Variants in QRICH2 observed in about 807,000 individuals in gnomAD.
The protein encoded by QRICH2 is glutamine rich 2.
A neutral mutation model predicts 168.3 loss-of-function variants in QRICH2; 119 were observed. The ratio of observed to expected loss-of-function variants is 0.71; its 90% CI spans 0.61 to 0.82. The LOEUF (loss-of-function observed/expected upper bound fraction) is 0.82. Among genes scored for constraint, QRICH2 ranks in the 40% least tolerant of loss-of-function variants. The pLI is 0.00. For missense variants in QRICH2, 2,241 were observed against 2,491.6 expected, an observed-to-expected ratio of 0.90 and a Z score of 2.14; for synonymous variants, 894 against 951.2, an observed-to-expected ratio of 0.94 and a Z score of 1.11.
chr17:76,277,238 G>C lies in QRICH2; in HGVS notation c.5190C>G (p.Tyr1730Ter), dbSNP rs746391928. The change falls in exon 16 of 19, where the codon TAC becomes TAG. Residue 1730 changes from tyrosine (Y) to a stop codon, truncating the protein, a stop_gained. Coordinates refer to ENST00000680821, the MANE Select transcript of QRICH2 (RefSeq NM_001388453.1). LOFTEE classifies it high-confidence loss of function. ...RRCGGSHTLTYPYHRSRPQHL... is the reference protein window; with the variant it reads ...RRCGGSHTLT ...GCTGCGGGCGGCTGCGGTGGTAGGG[G>C]TAGGTGAGGGTGTGGCTGCCCCCGC... 4 of 1,603,722 alleles carry C rather than the reference G, an allele frequency of 2.5e-6. No homozygotes were observed. The Admixed American group carries it at 7.1e-5, about 29-fold the overall frequency.
At chr17:76,279,497 T>C in intron 12 of QRICH2, 69 bp from the exon 13 acceptor site, 1 of 1,256,102 alleles carries the variant, frequency 8.0e-7, no homozygotes, top group South Asian at 1.3e-5. Context: ...CTTGGGGCTC[T>C]GCAGGCCCCT....
rs1316619060 is a variant in QRICH2, at chr17:76,275,811, G to A, written c.5482+8C>T. ...CCTGGCAGGACGCCCCACCCAGAGG[G>A]AAGCTACCTGAGGTGTTGCCAGCCG... is the stretch of plus-strand genomic sequence containing the variant. On this transcript the variant is annotated splice_region_variant and intron_variant, in intron 18 of 18. Coordinates refer to ENST00000680821, the MANE Select transcript of QRICH2 (RefSeq NM_001388453.1). The A allele has an allele frequency of 1.2e-6, 2 of 1,604,092 alleles. No individual in the cohort carries two copies. The highest frequency in any genetic ancestry group is 2.7e-5 in the African/African-American group (2 of 74,942).
chr17:76,289,124 A>G (rs1226011928), intron 5 of QRICH2, among the ~76,000 whole-genome samples: 1 of 151,978 alleles, frequency 6.6e-6, no homozygotes, highest in Non-Finnish European at 1.5e-5. Flanking sequence ...AAAAAGAAAA[A>G]AAGAAAAGAG....
intron 14 of QRICH2, among the ~76,000 whole-genome samples, chr17:76,278,639 T>C (rs1251331127): frequency 3.3e-5 from 5 of 152,228 alleles, no homozygotes; most frequent in Admixed American, 2.6e-4. Flanking sequence ...GCCTCCTTCG[T>C]TGGCTGAGCC....
At chr17:76,304,391 C>T (rs758306395) in intron 3 of QRICH2, 24 bp downstream of exon 3, 70 of 1,540,688 alleles carry the variant, frequency 4.5e-5, no homozygotes, top group Middle Eastern at 1.7e-4. Context: ...CCCAAGACCA[C>T]GGCCCAGGCC....
Position 76,304,477 on chromosome 17 carries a change from T to C in QRICH2, c.643A>G (p.Thr215Ala), listed in dbSNP as rs1382405493. The C allele has an allele frequency of 1.2e-6, 2 of 1,613,762 alleles. No individual in the cohort carries two copies. The highest frequency in any genetic ancestry group is 2.2e-5 in the East Asian group (1 of 44,890). ...TCCAGCTCTTCCCAGGTGACCATGG[T>C]GACTTCTTCTGCACCAGGAACCAAA... is the stretch of plus-strand genomic sequence containing the variant. Reference protein sequence around the residue: ...LSLVPGAEEVTMVTWEELEQA... With the variant: ...LSLVPGAEEVAMVTWEELEQA... Residue 215 changes from threonine (T) to alanine (A), a missense_variant, in exon 3 of 19, where the codon ACC becomes GCC. Physicochemically the swap from Thr to Ala is moderately conservative, Grantham distance 58. Around this residue, in one of 3 missense-constraint regions of QRICH2, gnomAD observed 2,047 missense variants for 2,303.8 expected, o/e 0.89. Coordinates refer to ENST00000680821, the MANE Select transcript of QRICH2 (RefSeq NM_001388453.1).
At chr17:76,278,540 C>A (rs1320513309) in intron 14 of QRICH2, among the ~76,000 whole-genome samples, 1 of 152,246 alleles carries the variant, frequency 6.6e-6, no homozygotes, top group Admixed American at 6.5e-5. Flanking sequence ...AGCCTGAAGT[C>A]CTCTGAACTA....
Position 76,307,427 on chromosome 17 carries a change from G to C in QRICH2, c.534+38C>G, listed in dbSNP as rs1322494786. ...TAGGCCTGGAGGGCGGCCTGGAGGA[G>C]GCAGACGGCCTGCGCGTGCCTCCGT... On this transcript the variant is annotated intron_variant, in intron 1 of 18. Coordinates refer to ENST00000680821, the MANE Select transcript of QRICH2 (RefSeq NM_001388453.1). This position sits in a 1 kb window ranked among gnomAD's most constrained non-coding sequence, Gnocchi z 5.3. The C allele has an allele frequency of 6.2e-7, 1 of 1,609,594 alleles. No individual in the cohort carries two copies. The highest frequency in any genetic ancestry group is 1.7e-5 in the Admixed American group (1 of 59,942).
chr17:76,301,282 T>A (rs571534767), intron 3 of QRICH2, among the ~76,000 whole-genome samples: 5 of 151,174 alleles, frequency 3.3e-5, no homozygotes, highest in Admixed American at 2.0e-4. Flanking sequence ...ACAAAATATA[T>A]GATAGGCCAG....
At position 76,304,928 on chromosome 17, in the gene QRICH2, C is replaced by T. The variant is rs760350836; in HGVS notation, c.548G>A (p.Arg183Gln). The T allele has an allele frequency of 5.0e-6, 8 of 1,613,370 alleles. No individual in the cohort carries two copies. The highest frequency in any genetic ancestry group is 2.2e-5 in the East Asian group (1 of 44,868). The change falls in exon 2 of 19, where the codon CGG becomes CAG. Residue 183 changes from arginine to glutamine, a missense_variant. Arg to Gln is a conservative substitution (Grantham distance 43, BLOSUM62 1). Around this residue, in one of 3 missense-constraint regions of QRICH2, gnomAD observed 2,047 missense variants for 2,303.8 expected, o/e 0.89. Coordinates refer to ENST00000680821, the MANE Select transcript of QRICH2 (RefSeq NM_001388453.1). ...GAATAGCTTCTCTAGTTCATCAACC[C>T]GCTGTAAAAGTACCTGGAAGAAGAG... ...ELSFARVLLQ[R>Q]VDELEKLFKD...
At chr17:76,288,918 C>T (rs1257243648) in intron 5 of QRICH2, among the ~76,000 whole-genome samples, 5 of 151,802 alleles carry the variant, frequency 3.3e-5, no homozygotes, top group Admixed American at 6.6e-5. Context: ...TCCTGGCTAA[C>T]ACGGTGAAAC....
At position 76,278,977 on chromosome 17, in the gene QRICH2, T is replaced by C. The variant is rs2070738031; in HGVS notation, c.4916+64A>G. The C allele has an allele frequency of 2.9e-6, 4 of 1,373,746 alleles. No individual in the cohort carries two copies. The Admixed American group carries it at 7.5e-5, about 26-fold the overall frequency. The allele number at this position is 1,373,746 out of a possible 1,614,324, so 85.1% of individuals were successfully genotyped here. On this transcript the variant is annotated intron_variant, in intron 14 of 18. Coordinates refer to ENST00000680821, the MANE Select transcript of QRICH2 (RefSeq NM_001388453.1). The stretch of plus-strand genomic sequence containing the variant: ...GCCCTCCGGAGTCATCCCTGTCCCC[T>C]GCCTTCCCCATCCAGAGCCCTGGCC...
intron 4 of QRICH2, among the ~76,000 whole-genome samples, chr17:76,290,365 T>C (rs2070965593): frequency 6.6e-6 from 1 of 151,970 alleles, no homozygotes. Flanking sequence ...GGGCTTGGAG[T>C]TGGGAACAGG....
chr17:76,276,787 C>A lies in QRICH2; in HGVS notation c.5266-20G>T. 2 of 1,587,100 alleles carry A rather than the reference C, an allele frequency of 1.3e-6. No individual in the cohort carries two copies. Among genetic ancestry groups the A allele is most frequent in the Non-Finnish European group, 1.7e-6 (2 of 1,160,704 alleles). On this transcript the variant is annotated intron_variant, in intron 16 of 18. Transcript: ENST00000680821. ...ATCATGCTGTAGAAGTGAACAGATA[C>A]CGTCGCCACTGTAGCAGCCACAGCC...
rs544200517 is a variant in QRICH2 at position 76,289,060 on chromosome 17, C to T, written c.3798+932G>A. ...TGGAGCTTGCAGTGAGCCGAGATTG[C>T]GCCACTGTACTCCAGCCTTGGCGAC... is the stretch of plus-strand genomic sequence containing the variant. On this transcript the variant is annotated intron_variant, in intron 5 of 18. Transcript: ENST00000680821. Among the ~76,000 whole-genome samples, 5 of 149,546 alleles carry T rather than the reference C, an allele frequency of 3.3e-5. 1 individual carries two copies. The highest frequency in any genetic ancestry group is 1.2e-4 in the African/African-American group (5 of 40,414).
At chr17:76,297,561 T>C (rs2070817139) in intron 3 of QRICH2, among the ~76,000 whole-genome samples, 1 of 151,702 alleles carries the variant, frequency 6.6e-6, no homozygotes, top group Non-Finnish European at 1.5e-5. Flanking sequence ...AAAGTCACAA[T>C]GGCTGGCACC....
intron 3 of QRICH2, among the ~76,000 whole-genome samples, chr17:76,297,741 C>T (rs2070820396): frequency 6.6e-6 from 1 of 152,036 alleles, no homozygotes; most frequent in Non-Finnish European, 1.5e-5. Context: ...ACTTTAGAGA[C>T]AGGGTCTCAC....
chr17:76,277,967 G>C (rs1568104294), intron 15 of QRICH2, 22 bp downstream of exon 15: 2 of 1,603,910 alleles, frequency 1.2e-6, no homozygotes, highest in East Asian at 4.5e-5. Flanking sequence ...TGCTCCCATG[G>C]CCTCGCCCGC....
upstream of QRICH2, among the ~76,000 whole-genome samples, chr17:76,309,101 T>C (rs1231650345): frequency 1.4e-5 from 2 of 141,630 alleles, no homozygotes; most frequent in Admixed American, 1.4e-4. Context: ...CTCACACCTG[T>C]AATCCCAGCA....
Sources: allele counts gnomAD v4.1 joint callset (sites outside exome capture counted in the v4.1 genomes callset), GRCh38; gene constraint gnomAD v4.1.1; regional missense constraint gnomAD v4.1.1; non-coding constraint Gnocchi (gnomAD v3.1); transcripts MANE v1.5; gene names NCBI Gene and HGNC (gene_info 2026-07-23, HGNC 2026-07-21).